The following SLC44A5 variants were observed in gnomAD, a reference collection of about 807,000 sequenced individuals.
SLC44A5 encodes solute carrier family 44 member 5, also known as choline transporter-like protein 5.
Under a neutral mutation model 101.8 loss-of-function variants are expected in SLC44A5, and 57 were observed. The observed-to-expected ratio is 0.56, with a 90% CI of 0.45 to 0.70. The LOEUF (loss-of-function observed/expected upper bound fraction) is 0.70, where lower values mean the gene tolerates loss of function less well. Ranked by LOEUF, SLC44A5 falls within the 30% of genes least tolerant of loss-of-function variation. SLC44A5 has a pLI of 0.00. For missense variants in SLC44A5, 737 were observed against 853.1 expected, an observed-to-expected ratio of 0.86 and a Z score of 1.70; for synonymous variants, 281 against 290.9, an observed-to-expected ratio of 0.97 and a Z score of 0.35.
At chr1:75,279,751 T>A (rs76674530) in intron 5 of SLC44A5, among the ~76,000 whole-genome samples, 7,260 of 135,866 alleles carry the variant, frequency 0.053, 237 homozygotes, top group Middle Eastern at 0.13. Context: ...TATGTATGTA[T>A]ACATGTATGT....
chr1:75,664,260 G>A, the SLC44A5 span, among the ~76,000 whole-genome samples: 2 of 152,066 alleles, frequency 1.3e-5, no homozygotes, highest in South Asian at 2.1e-4. Flanking sequence ...ATAAGACAAG[G>A]ATGCCCACTC....
intron 4 of SLC44A5, among the ~76,000 whole-genome samples, chr1:75,322,530 G>A (rs934393756): frequency 2.0e-5 from 3 of 152,112 alleles, no homozygotes; most frequent in African/African-American, 7.2e-5. Context: ...AGAAAACTCA[G>A]TAATTTAGGA....
At chr1:75,544,979 G>A (rs971364061) in intron 1 of SLC44A5, among the ~76,000 whole-genome samples, 19 of 152,052 alleles carry the variant, frequency 1.2e-4, no homozygotes, top group African/African-American at 3.9e-4. Context: ...TCTACATTAG[G>A]TATTTCTCCT....
At chr1:75,359,759 T>A (rs1304815993) in intron 3 of SLC44A5, among the ~76,000 whole-genome samples, 1 of 152,180 alleles carries the variant, frequency 6.6e-6, no homozygotes, top group African/African-American at 2.4e-5. Context: ...CATTTTCCCA[T>A]AATGACTGCA....
At chr1:75,234,154 C>T in intron 11 of SLC44A5, 56 bp from the exon 12 acceptor site, 1 of 1,233,994 alleles carries the variant, frequency 8.1e-7, no homozygotes, top group Non-Finnish European at 1.2e-6. Flanking sequence ...CAGCATATTA[C>T]AAACATCAAG....
At chr1:75,520,859 C>T (rs1364339983) in intron 2 of SLC44A5, among the ~76,000 whole-genome samples, 1 of 152,078 alleles carries the variant, frequency 6.6e-6, no homozygotes, top group African/African-American at 2.4e-5. Flanking sequence ...TTCAATTATC[C>T]ATAATTTACT....
chr1:75,416,110 G>A (rs1377323534), intron 2 of SLC44A5, among the ~76,000 whole-genome samples: 6 of 152,130 alleles, frequency 3.9e-5, no homozygotes, highest in African/African-American at 1.4e-4. Flanking sequence ...ATGTCACCAG[G>A]GCATGTCAGA....
chr1:75,222,117 C>T (rs907108670), intron 14 of SLC44A5, among the ~76,000 whole-genome samples: 1 of 151,906 alleles, frequency 6.6e-6, no homozygotes, highest in Non-Finnish European at 1.5e-5. Context: ...CCACCACGCC[C>T]GGCTAATTTT....
At chr1:75,563,288 G>GC in intron 1 of SLC44A5, among the ~76,000 whole-genome samples, 1 of 151,982 alleles carries the variant, frequency 6.6e-6, no homozygotes, top group East Asian at 1.9e-4. Context: ...TTCCTTACTA[G>GC]CATATTAACA....
intron 7 of SLC44A5, among the ~76,000 whole-genome samples, chr1:75,250,640 C>G (rs145320760): frequency 3.3e-4 from 50 of 152,160 alleles, no homozygotes; most frequent in African/African-American, 9.9e-4. Flanking sequence ...ACTTCTTATC[C>G]AAGGCTTTTA....
At chr1:75,330,580 C>A (rs192551931) in intron 4 of SLC44A5, among the ~76,000 whole-genome samples, 1 of 152,194 alleles carries the variant, frequency 6.6e-6, no homozygotes, top group Non-Finnish European at 1.5e-5. Flanking sequence ...TCTTCTTTAT[C>A]TTGTGTCATC....
In SLC44A5 at chr1:75,356,852, C is replaced by T. The variant is rs141845007; in HGVS notation, c.53-17222G>A. Among the ~76,000 whole-genome samples, 526 of 152,290 alleles carry T rather than the reference C, an allele frequency of 3.5e-3. 2 individuals carry two copies. Among genetic ancestry groups the T allele is most frequent in the African/African-American group, 0.012 (501 of 41,568 alleles). On this transcript the variant is annotated intron_variant, in intron 3 of 23. Coordinates refer to ENST00000370859, the MANE Select transcript of SLC44A5 (RefSeq NM_001130058.2). ...TACAGAAATACTTGCCATTGTGTTA[C>T]AATTGCCTACAGTATTCAGTACAAT...
intron 3 of SLC44A5, among the ~76,000 whole-genome samples, chr1:75,368,668 CACACCA>C (rs1478583230): frequency 4.5e-4 from 67 of 149,076 alleles, no homozygotes; most frequent in African/African-American, 1.5e-3. Flanking sequence ...CACACACACA[CACACCA>C]CACTCAAATT....
intron 2 of SLC44A5, among the ~76,000 whole-genome samples, chr1:75,490,449 G>A (rs1668368867): frequency 6.6e-6 from 1 of 152,032 alleles, no homozygotes; most frequent in Non-Finnish European, 1.5e-5. Context: ...TGGGACAATA[G>A]CTTTTTTAAT....
the SLC44A5 span, chr1:75,720,339 T>G: frequency 6.6e-6 from 1 of 152,206 alleles, no homozygotes; most frequent in Admixed American, 6.5e-5. Flanking sequence ...GTCTGTATAG[T>G]CCTGCTTACC....
the SLC44A5 span, among the ~76,000 whole-genome samples, chr1:75,635,926 G>T: frequency 6.6e-6 from 1 of 151,808 alleles, no homozygotes; most frequent in Non-Finnish European, 1.5e-5. Flanking sequence ...TTTTTAACTT[G>T]TTTAAATTTA....
intron 7 of SLC44A5, among the ~76,000 whole-genome samples, chr1:75,248,927 A>G (rs1649339792): frequency 6.6e-6 from 1 of 152,100 alleles, no homozygotes; most frequent in Non-Finnish European, 1.5e-5. Flanking sequence ...GTAAGGAGAG[A>G]GATGCAAACC....
At chr1:75,220,941 C>T (rs1258133676) in intron 14 of SLC44A5, among the ~76,000 whole-genome samples, 1 of 152,106 alleles carries the variant, frequency 6.6e-6, no homozygotes, top group Non-Finnish European at 1.5e-5. Context: ...CTTATTACCC[C>T]CTGAGCAAAC....
intron 6 of SLC44A5, among the ~76,000 whole-genome samples, chr1:75,261,829 G>A (rs1650535563): frequency 6.6e-6 from 1 of 152,074 alleles, no homozygotes; most frequent in Non-Finnish European, 1.5e-5. Flanking sequence ...GAGCAAGTCA[G>A]CTTCATCCCA....
Sources: allele counts gnomAD v4.1 joint callset (sites outside exome capture counted in the v4.1 genomes callset), GRCh38; gene constraint gnomAD v4.1.1; transcripts MANE v1.5; gene names NCBI Gene and HGNC (gene_info 2026-07-23, HGNC 2026-07-21).